TBC1D30: variants seen among roughly 807,000 people sequenced by gnomAD.
TBC1D30 encodes the protein TBC1 domain family, member 30.
In TBC1D30, 31 loss-of-function variants were observed where a neutral mutation model predicts 63.2. The ratio of observed to expected loss-of-function variants is 0.49; its 90% confidence interval spans 0.37 to 0.66. TBC1D30 has a LOEUF of 0.66. TBC1D30 is among the 30% of genes least tolerant of loss of function. The pLI, the probability that TBC1D30 is intolerant of heterozygous loss-of-function variation, is 0.00. For synonymous variants in TBC1D30, 307 were observed against 361.5 expected, an observed-to-expected ratio of 0.85 and a Z score of 1.71; for missense variants, 810 against 953.6, an observed-to-expected ratio of 0.85 and a Z score of 1.98.
At chr12:64,819,446 C>T (rs566060239) in intron 2 of TBC1D30, among the ~76,000 whole-genome samples, 37 of 126,412 alleles carry the variant, frequency 2.9e-4, no homozygotes, top group African/African-American at 1.0e-3. Flanking sequence ...AATGGAGTCT[C>T]GCTCTGTCAC....
At chr12:64,851,228 GATTC>G (rs1428404659) in intron 8 of TBC1D30, among the ~76,000 whole-genome samples, 1 of 152,002 alleles carries the variant, frequency 6.6e-6, no homozygotes, top group African/African-American at 2.4e-5. Flanking sequence ...CCACCTCCTG[GATTC>G]ATTGATTTTT....
intron 2 of TBC1D30, among the ~76,000 whole-genome samples, chr12:64,808,897 G>T (rs1873040374): frequency 6.6e-6 from 1 of 152,120 alleles, no homozygotes; most frequent in South Asian, 2.1e-4. Context: ...ATTTAAGGCT[G>T]AATAATATCC....
rs1328802579 is a variant in TBC1D30 at position 64,816,325 on chromosome 12, G to A, written c.644-11510G>A. 4.6e-5 allele frequency among the ~76,000 whole-genome samples: 7 copies of A among 152,150 alleles called. No homozygotes were observed. In the East Asian group the frequency reaches 7.7e-4, roughly 17 times the overall value. On this transcript the variant is annotated intron_variant, in intron 2 of 12. Coordinates refer to the TBC1D30 transcript ENST00000542120. ...TGGGATTACTACATGCATGAGCCCC[G>A]GCATCCAGGCCCAGAATACTCTTTT... is the stretch of plus-strand genomic sequence containing the variant.
intron 1 of TBC1D30, among the ~76,000 whole-genome samples, chr12:64,759,894 G>A (rs1348235256): frequency 2.0e-5 from 3 of 152,152 alleles, no homozygotes; most frequent in Non-Finnish European, 4.4e-5. Context: ...TTCAAGGCCC[G>A]GATGTTTAAT....
chr12:64,850,914 T>G (rs1330876617), intron 8 of TBC1D30, among the ~76,000 whole-genome samples: 24 of 152,166 alleles, frequency 1.6e-4, no homozygotes, highest in Admixed American at 1.6e-3. Flanking sequence ...TGGGCTTTCT[T>G]TGGTTGGTAG....
chr12:64,832,148 C>T lies in TBC1D30; in HGVS notation c.438C>T (p.Tyr146=). 1 of 1,535,950 alleles carries T rather than the reference C, an allele frequency of 6.5e-7. No individual in the cohort carries two copies. Among genetic ancestry groups the T allele is most frequent in the African/African-American group, 1.4e-5 (1 of 73,154 alleles). The change falls in exon 5 of 12, where the codon TAC becomes TAT. Residue 146 remains tyrosine, a synonymous_variant. Coordinates refer to ENST00000539867, the MANE Select transcript of TBC1D30 (RefSeq NM_015279.2). Reference sequence around the variant, plus strand: ...TTCACCGCACAGGCTGTAGTTCTTACTGTGGCCAGGAGGCTGAGCAGGACA... The same window carrying T: ...TTCACCGCACAGGCTGTAGTTCTTATTGTGGCCAGGAGGCTGAGCAGGACA... The part of the protein sequence containing the change: ...KDLHRTGCSS[Y]CGQEAEQDRV...
chr12:64,776,843 G>A (rs181296937), upstream of TBC1D30, among the ~76,000 whole-genome samples: 19 of 152,268 alleles, frequency 1.2e-4, no homozygotes, highest in East Asian at 3.7e-3. Context: ...GGTGAACATT[G>A]ATGCAAAAAT....
chr12:64,817,838 G>A (rs933357745), intron 2 of TBC1D30, among the ~76,000 whole-genome samples: 16 of 152,222 alleles, frequency 1.1e-4, no homozygotes, highest in Admixed American at 2.6e-4. Flanking sequence ...CAAGGCAGGC[G>A]CGTCATTTGA....
chr12:64,838,898 T>TA (rs1875601628), intron 7 of TBC1D30, 47 bp downstream of exon 7: 1 of 1,502,222 alleles, frequency 6.7e-7, no homozygotes, highest in African/African-American at 1.4e-5. Flanking sequence ...TTGAGGGCCT[T>TA]AAGCAGTTTT....
At chr12:64,835,253 G>A (rs1474329716) in intron 5 of TBC1D30, among the ~76,000 whole-genome samples, 1 of 152,170 alleles carries the variant, frequency 6.6e-6, no homozygotes, top group Non-Finnish European at 1.5e-5. Flanking sequence ...TTACAGCAAA[G>A]GAGAGGGTCC....
chr12:64,782,890 C>T (rs1388353299), intron 1 of TBC1D30, among the ~76,000 whole-genome samples: 1 of 152,174 alleles, frequency 6.6e-6, no homozygotes, highest in South Asian at 2.1e-4. Context: ...CACACATATG[C>T]GTGCTTACGT....
At chr12:64,769,156 TA>T (rs55868459) in intron 1 of TBC1D30, among the ~76,000 whole-genome samples, 4 of 150,338 alleles carry the variant, frequency 2.7e-5, no homozygotes, top group African/African-American at 4.9e-5. Context: ...GGACCCTGTC[TA>T]AAAAAAAATT....
intron 3 of TBC1D30, 101 bp from the exon 4 acceptor site, chr12:64,830,276 G>A: frequency 2.5e-6 from 3 of 1,200,480 alleles, no homozygotes; most frequent in Non-Finnish European, 3.4e-6. Context: ...CTGGTCTAGG[G>A]ACACTTCCCA....
In TBC1D30 at chr12:64,824,707, G is replaced by C. The variant is rs1874139012; in HGVS notation, c.-173G>C. 6 of 864,928 alleles carry C rather than the reference G, an allele frequency of 6.9e-6. No homozygotes were observed. Among genetic ancestry groups the C allele is most frequent in the Non-Finnish European group, 1.0e-5 (6 of 599,056 alleles). 53.6% of individuals were successfully genotyped at this position (864,928 alleles called of 1,614,324 possible). Reference sequence around the variant, plus strand: ...CTTCCCTGCGCTCGGCGGCTCCCGCGGTGCCCCGTAAGTCCCCGTGACCCT... The same window carrying C: ...CTTCCCTGCGCTCGGCGGCTCCCGCCGTGCCCCGTAAGTCCCCGTGACCCT... On this transcript the variant is annotated 5_prime_UTR_variant, in exon 1 of 12. Transcript: ENST00000539867.
chr12:64,867,383 C>G (rs1376595542), intron 10 of TBC1D30, among the ~76,000 whole-genome samples: 1 of 151,744 alleles, frequency 6.6e-6, no homozygotes, highest in African/African-American at 2.4e-5. Flanking sequence ...TCGCTTGAAC[C>G]CAGGAGGCAG....
chr12:64,818,771 T>C (rs1873708717), intron 2 of TBC1D30: 1 of 152,216 alleles, frequency 6.6e-6, no homozygotes, highest in East Asian at 1.9e-4. Context: ...GTATGTACTG[T>C]GTTCATAATT....
In TBC1D30 at chr12:64,781,273, C is replaced by A; in HGVS notation, c.465C>A (p.Tyr155Ter). ...CGAGCCAGCGGCATCAGATGCTGTA[C>A]CTGCGGCAGAAAGGTGAGGGCCGGG... Residue 155 changes from tyrosine (Y) to a stop codon, truncating the protein, a stop_gained, in exon 1 of 13, where the codon TAC (tyrosine) becomes TAA (stop). Coordinates refer to the TBC1D30 transcript ENST00000542120. LOFTEE classifies it high-confidence loss of function. The A allele has an allele frequency of 8.7e-7, 1 of 1,144,736 alleles. No homozygotes were observed. Among genetic ancestry groups the A allele is most frequent in the Non-Finnish European group, 1.1e-6 (1 of 918,168 alleles). The allele number at this position is 1,144,736 out of a possible 1,614,324, so 70.9% of individuals were successfully genotyped here. A position where few individuals can be genotyped will look rare whatever the true frequency, so the allele number is the denominator to read the frequency against.
In TBC1D30 at chr12:64,879,092, A is replaced by G. The variant is rs558974690; in HGVS notation, c.*3304A>G. ...ATTATTTTTCCTAATTAGAAAAGTC[A>G]CAGGTTTTAGAAAATTGGGAAAACA... On this transcript the variant is annotated 3_prime_UTR_variant, in exon 12 of 12. Coordinates refer to ENST00000539867, the MANE Select transcript of TBC1D30 (RefSeq NM_015279.2). 1.3e-5 allele frequency: 2 copies of G among 152,644 alleles called. No individual in the cohort carries two copies. The highest frequency in any genetic ancestry group is 1.3e-4 in the Admixed American group (2 of 15,336). 9.5% of individuals were successfully genotyped at this position (152,644 alleles called of 1,614,324 possible).
At chr12:64,824,072 C>CTTTT (rs11423646), upstream of TBC1D30, among the ~76,000 whole-genome samples, 1 of 145,238 alleles carries the variant, frequency 6.9e-6, no homozygotes, top group African/African-American at 2.5e-5. Context: ...TTGAGAATGA[C>CTTTT]TTTTTTTTTT....
Sources: gnomAD v4.1 joint callset for allele counts (sites outside exome capture counted in the v4.1 genomes callset) on GRCh38, gnomAD v4.1.1 for gene constraint, MANE v1.5 for transcripts, NCBI Gene and HGNC (gene_info 2026-07-23, HGNC 2026-07-21) for gene names.